The following ZFHX3 variants were observed in gnomAD, a reference collection of about 807,000 sequenced individuals.
ZFHX3 encodes zinc finger homeobox protein 3.
A neutral mutation model predicts 279.1 loss-of-function variants in ZFHX3; 42 were observed. The observed-to-expected ratio is 0.15, with a 90% CI of 0.12 to 0.19. The LOEUF is 0.19. ZFHX3 is among the 10% of genes least tolerant of loss of function. ZFHX3 has a pLI of 1.00. For missense variants in ZFHX3, 4,981 were observed against 4,754.0 expected (o/e 1.05, Z -1.40); for synonymous variants, 2,293 against 1,957.8 (o/e 1.17, Z -4.52).
intron 1 of ZFHX3, among the ~76,000 whole-genome samples, chr16:73,784,109 G>C (rs1270549274): frequency 6.6e-6 from 1 of 151,920 alleles, no homozygotes; most frequent in Non-Finnish European, 1.5e-5. Context: ...CTGTTTTGGA[G>C]AGATGGCAGG....
upstream of ZFHX3, among the ~76,000 whole-genome samples, chr16:73,050,118 A>G (rs1490442807): frequency 2.0e-5 from 3 of 152,228 alleles, no homozygotes; most frequent in African/African-American, 7.2e-5. Context: ...CTTCATTTTT[A>G]TTAACAGGGG....
chr16:73,499,354 T>C (rs1445070782), intron 2 of ZFHX3: 1 of 152,168 alleles, frequency 6.6e-6, no homozygotes, highest in Admixed American at 6.5e-5. Flanking sequence ...TTAGTGCACT[T>C]GGGTTTGAGA....
chr16:73,025,359 T>C (rs1054352104), intron 1 of ZFHX3, among the ~76,000 whole-genome samples: 1 of 152,164 alleles, frequency 6.6e-6, no homozygotes, highest in Non-Finnish European at 1.5e-5. Flanking sequence ...CCATGGTGGT[T>C]TGCAGAGCTC....
At chr16:72,905,366 C>T (rs2039143208) in intron 3 of ZFHX3, among the ~76,000 whole-genome samples, 1 of 152,180 alleles carries the variant, frequency 6.6e-6, no homozygotes, top group Non-Finnish European at 1.5e-5. Flanking sequence ...CCCCACCAAT[C>T]AGCCACAATG....
intron 5 of ZFHX3, among the ~76,000 whole-genome samples, chr16:72,823,407 T>C (rs1368129536): frequency 6.6e-6 from 1 of 152,208 alleles, no homozygotes; most frequent in Non-Finnish European, 1.5e-5. Context: ...AGGGTTGGGA[T>C]ATGAGTGGCC....
intron 2 of ZFHX3, among the ~76,000 whole-genome samples, chr16:73,565,146 CGGGAG>C (rs2020431760): frequency 6.6e-6 from 1 of 151,766 alleles, no homozygotes; most frequent in African/African-American, 2.4e-5. Flanking sequence ...CCCAGCTATT[CGGGAG>C]GCTGAGACAG....
At chr16:73,376,812 G>C (rs560109428) in intron 3 of ZFHX3, among the ~76,000 whole-genome samples, 1 of 152,080 alleles carries the variant, frequency 6.6e-6, no homozygotes, top group Admixed American at 6.5e-5. Context: ...TCTCTGTCTT[G>C]ATAATTATAA....
At position 72,950,694 on chromosome 16, in the gene ZFHX3, G is replaced by A; in HGVS notation, c.2991C>T (p.Ala997=). ...KLCRYNTQLK[A]NFQLHCKTDK... ...CTGTCTTGCAGTGCAGCTGGAAGTT[G>A]GCCTTGAGCTGGGTGTTGTAGCGGC... The change falls in exon 3 of 10, where the codon GCC becomes GCT. Residue 997 remains alanine (A), a synonymous_variant. Coordinates refer to ENST00000268489, the MANE Select transcript of ZFHX3 (RefSeq NM_006885.4). The A allele has an allele frequency of 1.2e-6, 2 of 1,614,230 alleles. No individual in the cohort carries two copies. The highest frequency in any genetic ancestry group is 8.5e-7 in the Non-Finnish European group (1 of 1,180,052).
At chr16:73,578,946 C>T (rs1272229504) in intron 2 of ZFHX3, among the ~76,000 whole-genome samples, 1 of 152,138 alleles carries the variant, frequency 6.6e-6, no homozygotes, top group Non-Finnish European at 1.5e-5. Context: ...AGCTGGAAAA[C>T]GAGTTCAGGC....
At chr16:73,715,196 G>A (rs2053402466) in intron 1 of ZFHX3, among the ~76,000 whole-genome samples, 1 of 152,110 alleles carries the variant, frequency 6.6e-6, no homozygotes, top group Admixed American at 6.6e-5. Flanking sequence ...TCACGTGCCT[G>A]CTTGACCTCA....
rs1214741916 is a variant in ZFHX3, at chr16:73,264,369, T to C, written c.-1193-7233A>G. On this transcript the variant is annotated intron_variant, in intron 4 of 17. Coordinates refer to the ZFHX3 transcript ENST00000641206. ...CATTAAATTTAATGCCCATATCCTC[T>C]ACTCATTCCCCTTCCTTCCAACTTT... Among the ~76,000 whole-genome samples, 4 of 152,298 alleles carry C rather than the reference T, an allele frequency of 2.6e-5. No homozygotes were observed. The South Asian group carries it at 8.3e-4, about 32-fold the overall frequency.
chr16:73,529,828 T>C (rs1354013670), intron 2 of ZFHX3, among the ~76,000 whole-genome samples: 2 of 152,122 alleles, frequency 1.3e-5, no homozygotes, highest in Non-Finnish European at 2.9e-5. Context: ...CGTGGCTTCA[T>C]TAGGGGATCA....
chr16:73,386,293 C>G (rs946294072), intron 3 of ZFHX3, among the ~76,000 whole-genome samples: 5 of 152,080 alleles, frequency 3.3e-5, no homozygotes, highest in Non-Finnish European at 7.3e-5. Flanking sequence ...TTAAAAAACC[C>G]ACAGGACTCA....
intron 2 of ZFHX3, among the ~76,000 whole-genome samples, chr16:73,479,143 C>G (rs916538547): frequency 6.6e-6 from 1 of 152,174 alleles, no homozygotes; most frequent in Non-Finnish European, 1.5e-5. Flanking sequence ...TATCCACCCT[C>G]CCTTCCTTAC....
intron 1 of ZFHX3, among the ~76,000 whole-genome samples, chr16:73,888,428 A>T (rs1365730164): frequency 2.0e-5 from 3 of 152,212 alleles, no homozygotes; most frequent in African/African-American, 7.2e-5. Context: ...TGTAAAGATT[A>T]AAAAAATAGT....
At chr16:73,591,102 C>G (rs1247507163) in intron 2 of ZFHX3, among the ~76,000 whole-genome samples, 1 of 152,124 alleles carries the variant, frequency 6.6e-6, no homozygotes, top group Non-Finnish European at 1.5e-5. Flanking sequence ...CCCGTAATCC[C>G]AGCACTTTGG....
chr16:73,465,369 C>G (rs2018547949), intron 2 of ZFHX3, among the ~76,000 whole-genome samples: 1 of 152,178 alleles, frequency 6.6e-6, no homozygotes, highest in Admixed American at 6.5e-5. Context: ...CCAGGGGAAT[C>G]TCTTCTGTAT....
intron 3 of ZFHX3, among the ~76,000 whole-genome samples, chr16:72,895,562 G>A (rs1177611885): frequency 6.6e-6 from 1 of 152,204 alleles, no homozygotes; most frequent in Non-Finnish European, 1.5e-5. Flanking sequence ...GGTGGCTCAC[G>A]CCTGTAATCC....
chr16:73,165,222 C>T (rs1320097782), intron 5 of ZFHX3, among the ~76,000 whole-genome samples: 1 of 152,168 alleles, frequency 6.6e-6, no homozygotes, highest in African/African-American at 2.4e-5. Flanking sequence ...GCTGGAATTA[C>T]CCCAACCCGG....
Sources: gnomAD v4.1 joint callset for allele counts (sites outside exome capture counted in the v4.1 genomes callset) on GRCh38, gnomAD v4.1.1 for gene constraint, MANE v1.5 for transcripts, NCBI Gene and HGNC (gene_info 2026-07-23, HGNC 2026-07-21) for gene names.